The following CNTN4 variants were observed in gnomAD, a reference collection of about 807,000 sequenced individuals.
CNTN4 encodes contactin-4.
In CNTN4, 77 loss-of-function variants were observed where a neutral mutation model predicts 122.5. The observed-to-expected ratio is 0.63, with a 90% CI of 0.52 to 0.76. CNTN4 has a LOEUF of 0.76. Ranked by LOEUF, CNTN4 falls within the 30% of genes least tolerant of loss-of-function variation. The pLI, the probability that CNTN4 is intolerant of heterozygous loss-of-function variation, is 0.00. For synonymous variants in CNTN4, 512 were observed against 447.0 expected (o/e 1.15, Z -1.83); for missense variants, 1,256 against 1,259.1 (o/e 1.00, Z 0.04).
At chr3:2,312,619 C>G (rs902981947) in intron 2 of CNTN4, among the ~76,000 whole-genome samples, 3 of 151,864 alleles carry the variant, frequency 2.0e-5, no homozygotes, top group African/African-American at 4.8e-5. Flanking sequence ...ATGGTTTGGT[C>G]CTTTCCAATA....
intron 2 of CNTN4, among the ~76,000 whole-genome samples, chr3:2,325,467 A>C (rs147911479): frequency 1.8e-3 from 277 of 152,330 alleles, no homozygotes; most frequent in African/African-American, 6.3e-3. Context: ...CCTAATTTTA[A>C]GAACGCCTTT....
chr3:2,447,211 C>T (rs776650564), intron 3 of CNTN4, among the ~76,000 whole-genome samples: 1 of 152,058 alleles, frequency 6.6e-6, no homozygotes, highest in Non-Finnish European at 1.5e-5. Flanking sequence ...TTTCCCAGTA[C>T]CCCACCTCCC....
At chr3:2,573,127 C>G (rs1212193471) in intron 4 of CNTN4, among the ~76,000 whole-genome samples, 1 of 152,148 alleles carries the variant, frequency 6.6e-6, no homozygotes, top group Non-Finnish European at 1.5e-5. Flanking sequence ...TATAGTCTTG[C>G]CTGTTCATAG....
intron 3 of CNTN4, among the ~76,000 whole-genome samples, chr3:2,349,913 T>C (rs1328569809): frequency 1.3e-5 from 2 of 152,134 alleles, no homozygotes; most frequent in Admixed American, 6.5e-5. Context: ...CAGTCAACTT[T>C]ATATGAACAG....
At chr3:2,427,386 GTGAGTT>G (rs2047881388) in intron 3 of CNTN4, among the ~76,000 whole-genome samples, 1 of 152,202 alleles carries the variant, frequency 6.6e-6, no homozygotes. Context: ...GCAGTTTTGA[GTGAGTT>G]TCTTAATCCT....
chr3:2,551,252 G>T (rs568908658), intron 3 of CNTN4, among the ~76,000 whole-genome samples: 23 of 152,212 alleles, frequency 1.5e-4, no homozygotes, highest in African/African-American at 5.3e-4. Flanking sequence ...TTGAGAAATG[G>T]TATGGTTTTT....
intron 6 of CNTN4, among the ~76,000 whole-genome samples, chr3:2,770,030 T>A (rs2091020824): frequency 7.0e-6 from 1 of 143,414 alleles, no homozygotes; most frequent in South Asian, 2.3e-4. Flanking sequence ...TTTGTTTGTT[T>A]GTTTGTTTTT....
intron 4 of CNTN4, among the ~76,000 whole-genome samples, chr3:2,623,121 T>C (rs948820372): frequency 1.3e-5 from 2 of 152,214 alleles, no homozygotes; most frequent in African/African-American, 4.8e-5. Flanking sequence ...ACTTCCCTGC[T>C]CATGGTAATA....
chr3:2,698,905 C>A (rs1344096151), intron 4 of CNTN4, among the ~76,000 whole-genome samples: 1 of 152,062 alleles, frequency 6.6e-6, no homozygotes, highest in Non-Finnish European at 1.5e-5. Flanking sequence ...CTCCTGTAAT[C>A]CCAGCTACTT....
intron 2 of CNTN4, among the ~76,000 whole-genome samples, chr3:2,122,279 A>C (rs1046493585): frequency 6.6e-6 from 1 of 152,158 alleles, no homozygotes; most frequent in Non-Finnish European, 1.5e-5. Context: ...TCTTTTCCCT[A>C]GAGACAATGT....
intron 4 of CNTN4, among the ~76,000 whole-genome samples, chr3:2,716,056 C>T (rs2087477418): frequency 6.6e-6 from 1 of 152,100 alleles, no homozygotes; most frequent in Non-Finnish European, 1.5e-5. Flanking sequence ...CCTCAACCTC[C>T]TGGGCTCAAA....
intron 10 of CNTN4, among the ~76,000 whole-genome samples, chr3:2,900,373 T>C (rs1010898001): frequency 6.6e-6 from 1 of 152,134 alleles, no homozygotes; most frequent in Non-Finnish European, 1.5e-5. Flanking sequence ...GATGGGAAGA[T>C]ATTCTCTACT....
intron 6 of CNTN4, among the ~76,000 whole-genome samples, chr3:2,750,932 T>C (rs960786601): frequency 6.6e-6 from 1 of 152,092 alleles, no homozygotes; most frequent in Non-Finnish European, 1.5e-5. Context: ...CACCTTGAGG[T>C]TGATACAGAA....
intron 14 of CNTN4, among the ~76,000 whole-genome samples, chr3:3,008,583 G>T (rs889270792): frequency 1.2e-4 from 18 of 152,130 alleles, no homozygotes; most frequent in African/African-American, 3.9e-4. Flanking sequence ...CTAAGCTATA[G>T]ATTCTGCCTT....
intron 7 of CNTN4, among the ~76,000 whole-genome samples, chr3:2,856,275 G>A (rs6780801): frequency 0.023 from 3,313 of 147,140 alleles, 122 homozygotes; most frequent in African/African-American, 0.08. Flanking sequence ...AAATTTCAAC[G>A]TGTGAAATAA....
At chr3:2,581,743 A>G (rs1286476518) in intron 4 of CNTN4, among the ~76,000 whole-genome samples, 1 of 152,234 alleles carries the variant, frequency 6.6e-6, no homozygotes, top group Non-Finnish European at 1.5e-5. Context: ...AAAAGTGGGA[A>G]CAATCCAAAT....
chr3:2,836,644 A>G (rs1341743740), intron 7 of CNTN4, among the ~76,000 whole-genome samples: 1 of 152,172 alleles, frequency 6.6e-6, no homozygotes, highest in Non-Finnish European at 1.5e-5. Context: ...GAAGTTTTAA[A>G]AGTACAGGTA....
intron 2 of CNTN4, among the ~76,000 whole-genome samples, chr3:2,329,904 G>A (rs961976485): frequency 6.6e-6 from 1 of 152,114 alleles, no homozygotes; most frequent in Non-Finnish European, 1.5e-5. Context: ...CCAGATGTGT[G>A]GGTTTTGATT....
At chr3:2,218,933 G>A (rs1575106716) in intron 2 of CNTN4, among the ~76,000 whole-genome samples, 2 of 152,300 alleles carry the variant, frequency 1.3e-5, no homozygotes, top group African/African-American at 2.4e-5. Context: ...GCTATGGCAT[G>A]TGAGATGTGA....
Sources: allele counts gnomAD v4.1 joint callset (sites outside exome capture counted in the v4.1 genomes callset), GRCh38; gene constraint gnomAD v4.1.1; transcripts MANE v1.5; gene names NCBI Gene and HGNC (gene_info 2026-07-23, HGNC 2026-07-21).